The following GALNT7 variants were observed in gnomAD, a reference collection of about 807,000 sequenced individuals.
GALNT7 encodes the protein polypeptide N-acetylgalactosaminyltransferase 7.
GALNT7 carries 60 observed loss-of-function variants against 82.1 expected under a neutral mutation model. The observed-to-expected ratio is 0.73, with a 90% CI of 0.59 to 0.91. GALNT7 has a LOEUF of 0.91. Ranked by LOEUF, GALNT7 falls within the 40% of genes least tolerant of loss-of-function variation. The pLI, the probability that GALNT7 is intolerant of heterozygous loss-of-function variation, is 0.00. For missense variants in GALNT7, 660 were observed against 804.2 expected, an observed-to-expected ratio of 0.82 and a Z score of 2.17; for synonymous variants, 243 against 275.1, an observed-to-expected ratio of 0.88 and a Z score of 1.15.
intron 2 of GALNT7, among the ~76,000 whole-genome samples, chr4:173,277,231 A>T (rs984993411): frequency 6.6e-6 from 1 of 152,324 alleles, no homozygotes; most frequent in Non-Finnish European, 1.5e-5. Flanking sequence ...GCGAGCTACT[A>T]GTTGAAAGGA....
At chr4:173,263,114 A>G (rs1408789566) in intron 2 of GALNT7, among the ~76,000 whole-genome samples, 2 of 152,206 alleles carry the variant, frequency 1.3e-5, no homozygotes, top group Non-Finnish European at 2.9e-5. Context: ...TAGTATCTTC[A>G]TATGATCAGC....
intron 1 of GALNT7, among the ~76,000 whole-genome samples, chr4:173,199,798 G>C (rs1424076481): frequency 6.6e-6 from 1 of 152,176 alleles, no homozygotes; most frequent in Non-Finnish European, 1.5e-5. Context: ...GGTTGAGGTA[G>C]GATGGAATAA....
At chr4:173,216,727 AT>A (rs1554022010) in intron 1 of GALNT7, among the ~76,000 whole-genome samples, 3 of 12,980 alleles carry the variant, frequency 2.3e-4, no homozygotes, top group Admixed American at 2.7e-3. Flanking sequence ...ATATATATAT[AT>A]TTTTTTTTTT....
intron 1 of GALNT7, among the ~76,000 whole-genome samples, chr4:173,243,617 T>G (rs1416636232): frequency 6.6e-6 from 1 of 152,228 alleles, no homozygotes; most frequent in Non-Finnish European, 1.5e-5. Context: ...AATCATATAA[T>G]TAAGATTTGA....
intron 1 of GALNT7, among the ~76,000 whole-genome samples, chr4:173,175,407 A>G (rs949808061): frequency 2.0e-5 from 3 of 152,214 alleles, no homozygotes; most frequent in Admixed American, 6.5e-5. Context: ...TCTTTGTCCA[A>G]GTTTATTCAC....
At chr4:173,245,659 AT>A (rs1734600120) in intron 1 of GALNT7, among the ~76,000 whole-genome samples, 1 of 152,198 alleles carries the variant, frequency 6.6e-6, no homozygotes, top group African/African-American at 2.4e-5. Flanking sequence ...TTTTATAATG[AT>A]ATCTCTATAT....
chr4:173,300,758 G>A (rs536792853), intron 6 of GALNT7, among the ~76,000 whole-genome samples: 34 of 152,114 alleles, frequency 2.2e-4, no homozygotes, highest in South Asian at 6.2e-4. Context: ...ACACAAGCTC[G>A]GGAGATATTG....
At chr4:173,212,004 CTG>C (rs1348588884) in intron 1 of GALNT7, among the ~76,000 whole-genome samples, 2 of 152,198 alleles carry the variant, frequency 1.3e-5, no homozygotes, top group South Asian at 2.1e-4. Context: ...GTTGACTACT[CTG>C]TAATTTAATG....
intron 6 of GALNT7, among the ~76,000 whole-genome samples, chr4:173,300,329 T>G (rs1237294249): frequency 6.6e-6 from 1 of 151,760 alleles, no homozygotes; most frequent in Non-Finnish European, 1.5e-5. Flanking sequence ...GGCAACAGAG[T>G]GAGACCCTGT....
chr4:173,318,723 A>C (rs1737694221), intron 11 of GALNT7, 164 bp downstream of exon 11: 3 of 525,322 alleles, frequency 5.7e-6, no homozygotes, highest in Non-Finnish European at 1.0e-5. Flanking sequence ...TGGATGACTC[A>C]TTGTTCTATA....
In GALNT7 at chr4:173,302,316, C is replaced by G. The variant is rs959384748; in HGVS notation, c.1266+152C>G. On this transcript the variant is annotated intron_variant, in intron 7 of 11. Coordinates refer to ENST00000265000, the MANE Select transcript of GALNT7 (RefSeq NM_017423.3). This position sits in a 1 kb window ranked among gnomAD's most constrained non-coding sequence, Gnocchi z 4.2. ...AGAATGATTTAATGAAAATGGATGC[C>G]TTTGAGGAAAAAATAAGGCAAAATG... The G allele has an allele frequency of 5.8e-5, 38 of 653,470 alleles. No individual in the cohort carries two copies. In the East Asian group the frequency reaches 1.0e-3, roughly 17 times the overall value. 40.5% of individuals were successfully genotyped at this position (653,470 alleles called of 1,614,324 possible). A position where few individuals can be genotyped will look rare whatever the true frequency, so the allele number is the denominator to read the frequency against.
In GALNT7 at chr4:173,303,977, A is replaced by G. The variant is rs367940475; in HGVS notation, c.1267-19A>G. On this transcript the variant is annotated intron_variant, in intron 7 of 11. Transcript: ENST00000265000. Reference sequence around the variant, plus strand: ...GTTTGTATTTGAAACAACTTTCACAACGTGTTTTTCCTTCATAGATATGGC... The same window carrying G: ...GTTTGTATTTGAAACAACTTTCACAGCGTGTTTTTCCTTCATAGATATGGC... The G allele has an allele frequency of 3.1e-6, 5 of 1,590,296 alleles. No homozygotes were observed. In the African/African-American group the frequency reaches 6.8e-5, roughly 22 times the overall value.
intron 2 of GALNT7, among the ~76,000 whole-genome samples, chr4:173,261,587 C>T (rs1735265585): frequency 6.6e-6 from 1 of 152,042 alleles, no homozygotes; most frequent in Non-Finnish European, 1.5e-5. Flanking sequence ...GAGGCCAAGG[C>T]GGGTGGATCA....
intron 1 of GALNT7, among the ~76,000 whole-genome samples, chr4:173,204,404 C>A (rs1179216362): frequency 6.6e-6 from 1 of 152,168 alleles, no homozygotes; most frequent in African/African-American, 2.4e-5. Flanking sequence ...TCTGCTTTTA[C>A]TTCTTTAAAT....
At chr4:173,265,258 T>A (rs1338458013) in intron 2 of GALNT7, among the ~76,000 whole-genome samples, 1 of 152,144 alleles carries the variant, frequency 6.6e-6, no homozygotes, top group Non-Finnish European at 1.5e-5. Flanking sequence ...TCTTCCTCTA[T>A]TAGCCTTTGT....
At position 173,178,055 on chromosome 4, in the gene GALNT7, GCGCA is replaced by G. The variant is rs879035370; in HGVS notation, c.126+9098_126+9101del. 2.1e-3 allele frequency among the ~76,000 whole-genome samples: 267 copies of G among 125,854 alleles called. 3 individuals carry two copies. The highest frequency in any genetic ancestry group is 0.01 in the African/African-American group (244 of 23,814). 82.6% of individuals were successfully genotyped at this position (125,854 alleles called of 152,430 possible). The stretch of plus-strand genomic sequence containing the variant: ...TGTGTGTGTGTGTGTGTGTGTGTGC[GCGCA>G]CGCGCGTGCGCACAGACACCTATGT... On this transcript the variant is annotated intron_variant, in intron 1 of 11. Coordinates refer to ENST00000265000, the MANE Select transcript of GALNT7 (RefSeq NM_017423.3).
At chr4:173,192,479 G>A (rs1477727360) in intron 1 of GALNT7, among the ~76,000 whole-genome samples, 1 of 152,112 alleles carries the variant, frequency 6.6e-6, no homozygotes, top group Admixed American at 6.5e-5. Context: ...TTCTGTATGT[G>A]GATCCTCCCT....
At chr4:173,317,373 CTTTT>C (rs1044042679) in intron 9 of GALNT7, 1 of 275,180 alleles carries the variant, frequency 3.6e-6, no homozygotes, top group Non-Finnish European at 6.9e-6. Context: ...TTAATGGTAA[CTTTT>C]TTTTTCTCTG....
At chr4:173,220,712 T>G (rs1173436229) in intron 1 of GALNT7, among the ~76,000 whole-genome samples, 1 of 141,048 alleles carries the variant, frequency 7.1e-6, no homozygotes, top group South Asian at 2.2e-4. Context: ...CCACGTGTTC[T>G]CATTGTTCAG....
Sources: gnomAD v4.1 joint callset for allele counts (sites outside exome capture counted in the v4.1 genomes callset) on GRCh38, gnomAD v4.1.1 for gene constraint, Gnocchi (gnomAD v3.1) non-coding constraint, MANE v1.5 for transcripts, NCBI Gene and HGNC (gene_info 2026-07-23, HGNC 2026-07-21) for gene names.